The following SCRG1 variants were observed in gnomAD, a reference collection of about 807,000 sequenced individuals.
SCRG1 encodes scrapie-responsive protein 1.
A neutral mutation model predicts 7.7 loss-of-function variants in SCRG1; 3 were observed. The observed-to-expected ratio is 0.39, with a 90% CI of 0.18 to 1.01. SCRG1 has a LOEUF of 1.01. Among genes scored for constraint, SCRG1 ranks in the 50% least tolerant of loss-of-function variants. SCRG1 has a pLI of 0.36. For missense variants in SCRG1, 110 were observed against 117.2 expected, an observed-to-expected ratio of 0.94 and a Z score of 0.28; for synonymous variants, 46 against 41.2, an observed-to-expected ratio of 1.12 and a Z score of -0.44.
At chr4:173,418,610 G>A in the SCRG1 span, among the ~76,000 whole-genome samples, 2 of 152,174 alleles carry the variant, frequency 1.3e-5, no homozygotes, top group Non-Finnish European at 2.9e-5. Flanking sequence ...GAAACTCTCT[G>A]TGAAAATGGA....
chr4:173,388,516 A>G, intron 2 of SCRG1, 121 bp from the exon 3 acceptor site: 1 of 625,460 alleles, frequency 1.6e-6, no homozygotes, highest in Non-Finnish European at 2.7e-6. Context: ...TTTTTAGGTG[A>G]CTAAAATGTA....
the SCRG1 span, among the ~76,000 whole-genome samples, chr4:173,434,799 C>G: frequency 1.3e-5 from 2 of 152,110 alleles, no homozygotes; most frequent in Non-Finnish European, 2.9e-5. Context: ...CCACGGCACT[C>G]TAGCCTGGGC....
chr4:173,474,108 T>C, the SCRG1 span, among the ~76,000 whole-genome samples: 1 of 152,062 alleles, frequency 6.6e-6, no homozygotes, highest in East Asian at 1.9e-4. Flanking sequence ...GAGGCAGAGG[T>C]TGCAGTGAGC....
the SCRG1 span, among the ~76,000 whole-genome samples, chr4:173,507,041 G>A: frequency 6.6e-6 from 1 of 152,208 alleles, no homozygotes; most frequent in Non-Finnish European, 1.5e-5. The surrounding 1 kb of genome is among the most constrained non-coding windows in gnomAD (Gnocchi z 4.4). Context: ...GCGCTGCGGC[G>A]GCCAGAGGAG....
At chr4:173,432,671 G>A in the SCRG1 span, among the ~76,000 whole-genome samples, 4,510 of 152,264 alleles carry the variant, frequency 0.03, 234 homozygotes, top group African/African-American at 0.1. Flanking sequence ...GTCTGAGGCA[G>A]GCATGGAGGG....
the SCRG1 span, among the ~76,000 whole-genome samples, chr4:173,430,882 G>GA: frequency 6.9e-6 from 1 of 145,746 alleles, no homozygotes; most frequent in Non-Finnish European, 1.5e-5. Flanking sequence ...ATAGTCATCA[G>GA]AAAAAACAGC....
At chr4:173,502,609 G>A in the SCRG1 span, among the ~76,000 whole-genome samples, 1 of 152,128 alleles carries the variant, frequency 6.6e-6, no homozygotes, top group Admixed American at 6.5e-5. This position sits in a 1 kb window ranked among gnomAD's most constrained non-coding sequence, Gnocchi z 4.6. Flanking sequence ...GAGTCCTGGT[G>A]GCCTGAGGCT....
chr4:173,473,489 G>A, the SCRG1 span, among the ~76,000 whole-genome samples: 1 of 152,220 alleles, frequency 6.6e-6, no homozygotes, highest in Non-Finnish European at 1.5e-5. Context: ...TGCCCATGGA[G>A]GGAACAGATG....
chr4:173,436,800 C>T, the SCRG1 span, among the ~76,000 whole-genome samples: 3 of 152,090 alleles, frequency 2.0e-5, no homozygotes, highest in Admixed American at 6.5e-5. Context: ...CCACCAACTT[C>T]GCAGGCTTCG....
At chr4:173,417,511 T>C in the SCRG1 span, among the ~76,000 whole-genome samples, 4 of 152,216 alleles carry the variant, frequency 2.6e-5, no homozygotes, top group African/African-American at 9.6e-5. Context: ...TGATCCTTTA[T>C]TATAAGCCAG....
chr4:173,476,834 A>G, the SCRG1 span, among the ~76,000 whole-genome samples: 1,746 of 152,198 alleles, frequency 0.011, 43 homozygotes, highest in African/African-American at 0.04. Context: ...AAAAGAAAAA[A>G]ATAATAAAAA....
upstream of SCRG1, among the ~76,000 whole-genome samples, chr4:173,409,419 T>A (rs1303521954): frequency 6.6e-6 from 1 of 152,124 alleles, no homozygotes; most frequent in African/African-American, 2.4e-5. Flanking sequence ...ATTTTCATCT[T>A]TATCTCTCTT....
the SCRG1 span, among the ~76,000 whole-genome samples, chr4:173,497,475 C>T: frequency 1.3e-5 from 2 of 151,944 alleles, no homozygotes; most frequent in Non-Finnish European, 2.9e-5. Context: ...GAAAACATAT[C>T]ATGACTGTTT....
chr4:173,404,814 T>C (rs1739860020), intron 1 of SCRG1, among the ~76,000 whole-genome samples: 1 of 152,180 alleles, frequency 6.6e-6, no homozygotes, highest in Non-Finnish European at 1.5e-5. Flanking sequence ...AATTGATTGT[T>C]TTTATTGCTC....
chr4:173,503,481 G>C, the SCRG1 span, among the ~76,000 whole-genome samples: 1 of 152,168 alleles, frequency 6.6e-6, no homozygotes, highest in Non-Finnish European at 1.5e-5. The surrounding 1 kb of genome is among the most constrained non-coding windows in gnomAD (Gnocchi z 6.4). Context: ...GGGTCTTGGG[G>C]TGGGGAGGGG....
chr4:173,433,614 G>A, the SCRG1 span, among the ~76,000 whole-genome samples: 1 of 152,220 alleles, frequency 6.6e-6, no homozygotes, highest in African/African-American at 2.4e-5. Flanking sequence ...TGCAGGAGGA[G>A]GGATGGGGAT....
chr4:173,424,267 T>C, the SCRG1 span, among the ~76,000 whole-genome samples: 1 of 152,196 alleles, frequency 6.6e-6, no homozygotes, highest in African/African-American at 2.4e-5. Context: ...TTCATACTAT[T>C]AGCATTTAGC....
the SCRG1 span, among the ~76,000 whole-genome samples, chr4:173,516,945 A>G: frequency 6.6e-6 from 1 of 152,360 alleles, no homozygotes; most frequent in South Asian, 2.1e-4. Flanking sequence ...AGGAAACGGC[A>G]AGAGGAAACT....
the SCRG1 span, among the ~76,000 whole-genome samples, chr4:173,472,498 G>C: frequency 6.6e-6 from 1 of 152,176 alleles, no homozygotes; most frequent in African/African-American, 2.4e-5. Flanking sequence ...AGACCTGGGA[G>C]AGCTGATGGT....
Sources: gnomAD v4.1 joint callset for allele counts (sites outside exome capture counted in the v4.1 genomes callset) on GRCh38, gnomAD v4.1.1 for gene constraint, Gnocchi (gnomAD v3.1) non-coding constraint, MANE v1.5 for transcripts, NCBI Gene and HGNC (gene_info 2026-07-23, HGNC 2026-07-21) for gene names.